The following PTPRD variants were observed in gnomAD, a reference collection of about 807,000 sequenced individuals.
The protein encoded by PTPRD is protein tyrosine phosphatase receptor type D.
In PTPRD, 34 loss-of-function variants were observed where a neutral mutation model predicts 214.5. The ratio of observed to expected loss-of-function variants is 0.16; its 90% CI spans 0.12 to 0.21. The LOEUF is 0.21. PTPRD is among the 10% of genes least tolerant of loss of function. PTPRD has a pLI of 1.00. For missense variants in PTPRD, 2,545 were observed against 2,398.7 expected (o/e 1.06, Z -1.27); for synonymous variants, 1,128 against 845.7 (o/e 1.33, Z -5.79).
intron 3 of PTPRD, among the ~76,000 whole-genome samples, chr9:10,240,435 A>G (rs2099643739): frequency 6.6e-6 from 1 of 151,936 alleles, no homozygotes; most frequent in Non-Finnish European, 1.5e-5. Context: ...AAACGCCTTA[A>G]GTACAGGAAA....
chr9:8,957,219 A>G (rs2099135946), intron 11 of PTPRD, among the ~76,000 whole-genome samples: 1 of 151,708 alleles, frequency 6.6e-6, no homozygotes, highest in Non-Finnish European at 1.5e-5. Flanking sequence ...TCATCCTTTT[A>G]TTATCTAAAT....
At chr9:9,875,439 T>C (rs1277274619) in intron 5 of PTPRD, among the ~76,000 whole-genome samples, 1 of 152,128 alleles carries the variant, frequency 6.6e-6, no homozygotes, top group Non-Finnish European at 1.5e-5. Flanking sequence ...ATTGAATATC[T>C]GTTAATAACC....
At chr9:10,210,014 G>C (rs1390601774) in intron 3 of PTPRD, among the ~76,000 whole-genome samples, 1 of 151,932 alleles carries the variant, frequency 6.6e-6, no homozygotes, top group Non-Finnish European at 1.5e-5. Context: ...TTCTCTTCCT[G>C]TAAATTTATA....
At chr9:8,979,297 A>G (rs762635954) in intron 11 of PTPRD, among the ~76,000 whole-genome samples, 11 of 152,176 alleles carry the variant, frequency 7.2e-5, no homozygotes, top group Non-Finnish European at 1.6e-4. Flanking sequence ...TAATAATATC[A>G]TGATATAAAA....
chr9:10,388,245 A>G (rs1342138189), intron 2 of PTPRD, among the ~76,000 whole-genome samples: 1 of 151,880 alleles, frequency 6.6e-6, no homozygotes, highest in Admixed American at 6.6e-5. Context: ...CGTGTGATTC[A>G]AAGATATTAG....
intron 4 of PTPRD, among the ~76,000 whole-genome samples, chr9:9,965,592 T>G (rs951249722): frequency 2.6e-5 from 4 of 152,088 alleles, no homozygotes; most frequent in Non-Finnish European, 4.4e-5. Context: ...AAGGCAATAT[T>G]TTTCTGTTCT....
chr9:10,060,413 G>C (rs1778516), intron 3 of PTPRD, among the ~76,000 whole-genome samples: 1 of 151,856 alleles, frequency 6.6e-6, no homozygotes, highest in African/African-American at 2.4e-5. Context: ...CCTACTCAAA[G>C]TGTCATTACT....
At chr9:9,995,404 C>G (rs2096084614) in intron 4 of PTPRD, among the ~76,000 whole-genome samples, 1 of 152,152 alleles carries the variant, frequency 6.6e-6, no homozygotes, top group Admixed American at 6.5e-5. Context: ...CATGCTAATT[C>G]ATGAGGTGTA....
intron 3 of PTPRD, among the ~76,000 whole-genome samples, chr9:10,274,237 T>C (rs2094561738): frequency 6.6e-6 from 1 of 152,122 alleles, no homozygotes. Flanking sequence ...ATTTGAACTG[T>C]TTATTAATAA....
chr9:9,321,615 T>C (rs376187781), intron 9 of PTPRD, among the ~76,000 whole-genome samples: 61 of 152,230 alleles, frequency 4.0e-4, no homozygotes, highest in African/African-American at 9.4e-4. Context: ...GATTTTTCCA[T>C]AAAACACATT....
chr9:9,604,874 A>G (rs1416250510), intron 7 of PTPRD, among the ~76,000 whole-genome samples: 1 of 151,932 alleles, frequency 6.6e-6, no homozygotes, highest in African/African-American at 2.4e-5. Context: ...ATTATTAAAG[A>G]ACAAAAAAAA....
At chr9:10,197,754 G>C (rs772926656) in intron 3 of PTPRD, among the ~76,000 whole-genome samples, 1 of 152,008 alleles carries the variant, frequency 6.6e-6, no homozygotes, top group African/African-American at 2.4e-5. Flanking sequence ...TTATAGAGAA[G>C]AATTTTTATT....
intron 11 of PTPRD, among the ~76,000 whole-genome samples, chr9:8,776,698 T>C (rs960464193): frequency 6.6e-6 from 1 of 151,682 alleles, no homozygotes; most frequent in Non-Finnish European, 1.5e-5. Context: ...ACAGGACATT[T>C]GAGAGGCAGG....
Position 9,937,079 on chromosome 9 carries a change from G to C in PTPRD, c.-368+1428C>G, listed in dbSNP as rs151296401. On this transcript the variant is annotated intron_variant, in intron 5 of 45. Coordinates refer to ENST00000381196, the MANE Select transcript of PTPRD (RefSeq NM_002839.4). ...ATCACACTCTGGGGACTGTTGTTGG[G>C]TTGGGGGAAGGGGGAGGGATAGCAC... 2.8e-3 allele frequency among the ~76,000 whole-genome samples: 424 copies of C among 152,218 alleles called. 2 individuals carry two copies. Among genetic ancestry groups the C allele is most frequent in the African/African-American group, 9.3e-3 (386 of 41,512 alleles).
At chr9:10,532,901 T>C (rs1269768064) in intron 2 of PTPRD, among the ~76,000 whole-genome samples, 1 of 151,996 alleles carries the variant, frequency 6.6e-6, no homozygotes, top group East Asian at 1.9e-4. Flanking sequence ...GCTATTTTTT[T>C]AGTTTGTCCC....
intron 10 of PTPRD, among the ~76,000 whole-genome samples, chr9:9,156,269 T>C (rs34681884): frequency 0.32 from 47,865 of 151,740 alleles, 8,234 homozygotes; most frequent in Non-Finnish European, 0.39. Flanking sequence ...TAAAATACCT[T>C]TAGTCAATGT....
At chr9:8,582,167 A>T (rs2093215212) in intron 14 of PTPRD, among the ~76,000 whole-genome samples, 1 of 152,170 alleles carries the variant, frequency 6.6e-6, no homozygotes, top group African/African-American at 2.4e-5. Flanking sequence ...AGTATTTCAC[A>T]TCAGGAGAGA....
Position 10,536,576 on chromosome 9 carries a change from G to C in PTPRD, c.-600+75822C>G, listed in dbSNP as rs770098710. Among the ~76,000 whole-genome samples, 87 of 152,258 alleles carry C rather than the reference G, an allele frequency of 5.7e-4. 1 individual carries two copies. The highest frequency in any genetic ancestry group is 3.4e-3 in the Middle Eastern group (1 of 294). ...CTACCATCCATTACAAGTAGAGTTA[G>C]AATGGCTCAATCAATGTGCTTTCTG... On this transcript the variant is annotated intron_variant, in intron 2 of 45. Coordinates refer to ENST00000381196, the MANE Select transcript of PTPRD (RefSeq NM_002839.4).
At chr9:9,924,122 A>C (rs565805956) in intron 5 of PTPRD, among the ~76,000 whole-genome samples, 14 of 152,210 alleles carry the variant, frequency 9.2e-5, no homozygotes, top group African/African-American at 3.4e-4. Flanking sequence ...TGTAAATAGG[A>C]AATAATGATT....
Sources: allele counts gnomAD v4.1 joint callset (sites outside exome capture counted in the v4.1 genomes callset), GRCh38; gene constraint gnomAD v4.1.1; transcripts MANE v1.5; gene names NCBI Gene and HGNC (gene_info 2026-07-23, HGNC 2026-07-21).